RNF10: variants seen among roughly 807,000 people sequenced by gnomAD.
RNF10 encodes ring finger protein 10, also known as E3 ubiquitin-protein ligase RNF10.
RNF10 carries 38 observed loss-of-function variants against 91.4 expected under a neutral mutation model. That is an observed-to-expected ratio of 0.42 (90% CI 0.32 to 0.54). The LOEUF is 0.54. Ranked by LOEUF, RNF10 falls within the 20% of genes least tolerant of loss-of-function variation. The pLI, the probability that RNF10 is intolerant of heterozygous loss-of-function variation, is 0.16. For missense variants in RNF10, 945 were observed against 1,012.0 expected (o/e 0.93, Z 0.90); for synonymous variants, 364 against 366.3 (o/e 0.99, Z 0.07).
intron 4 of RNF10, among the ~76,000 whole-genome samples, chr12:120,557,076 G>A (rs1246638312): frequency 7.5e-6 from 1 of 134,102 alleles, no homozygotes; most frequent in East Asian, 2.2e-4. Context: ...CCAAGGAGAT[G>A]GACCGTCTCA....
chr12:120,575,569 C>A, intron 14 of RNF10, 62 bp from the exon 15 acceptor site: 5 of 1,588,902 alleles, frequency 3.1e-6, no homozygotes, highest in Non-Finnish European at 4.3e-6. Flanking sequence ...CAAGGTAGGT[C>A]TGAAAAAGAA....
chr12:120,537,279 C>T (rs1434568804), intron 1 of RNF10, among the ~76,000 whole-genome samples: 1 of 152,056 alleles, frequency 6.6e-6, no homozygotes, highest in Admixed American at 6.6e-5. Flanking sequence ...CTCCACTGCA[C>T]TCTAGCCTGG....
At chr12:120,545,425 C>T (rs1249544173) in intron 1 of RNF10, among the ~76,000 whole-genome samples, 2 of 151,660 alleles carry the variant, frequency 1.3e-5, no homozygotes, top group Non-Finnish European at 2.9e-5. Flanking sequence ...ATCTCCTGAC[C>T]TCGTGATCCG....
At chr12:120,545,392 CTG>C (rs1872177151) in intron 1 of RNF10, among the ~76,000 whole-genome samples, 1 of 144,342 alleles carries the variant, frequency 6.9e-6, no homozygotes, top group African/African-American at 2.6e-5. Context: ...CAGGATTTCA[CTG>C]TGTTAGCCAG....
chr12:120,539,324 A>G (rs1871237319), intron 1 of RNF10: 1 of 943,506 alleles, frequency 1.1e-6, no homozygotes, highest in Non-Finnish European at 1.5e-6. Flanking sequence ...ACTTACTGGC[A>G]TGTGCATCAT....
intron 1 of RNF10, among the ~76,000 whole-genome samples, chr12:120,537,486 G>A (rs1437939867): frequency 2.0e-5 from 3 of 152,160 alleles, no homozygotes; most frequent in Admixed American, 1.3e-4. Flanking sequence ...AAATTAGTCC[G>A]GCGTGGTGGT....
At chr12:120,566,647 G>A (rs1266640455) in intron 12 of RNF10, among the ~76,000 whole-genome samples, 178 bp from the exon 13 acceptor site, 2 of 151,706 alleles carry the variant, frequency 1.3e-5, no homozygotes, top group Non-Finnish European at 2.9e-5. Flanking sequence ...CTGTGGTCCC[G>A]GCTACTCGGG....
intron 13 of RNF10, among the ~76,000 whole-genome samples, chr12:120,567,679 C>T (rs1467753247): frequency 4.2e-5 from 6 of 142,696 alleles, no homozygotes; most frequent in South Asian, 4.5e-4. Flanking sequence ...CCAGCCTGGG[C>T]GACAGAGCGA....
At chr12:120,548,799 C>T (rs752165813) in intron 2 of RNF10, among the ~76,000 whole-genome samples, 3 of 151,920 alleles carry the variant, frequency 2.0e-5, no homozygotes, top group South Asian at 2.1e-4. Flanking sequence ...GCTGGGACTA[C>T]AGCTGGGACT....
chr12:120,537,499 G>A (rs1235259896), intron 1 of RNF10, among the ~76,000 whole-genome samples: 21 of 152,124 alleles, frequency 1.4e-4, no homozygotes, highest in Admixed American at 5.2e-4. Context: ...GTGGTGGTGC[G>A]CACCTGTAAT....
chr12:120,565,253 C>G, intron 11 of RNF10, 64 bp downstream of exon 11: 1 of 1,262,134 alleles, frequency 7.9e-7, no homozygotes, highest in South Asian at 1.2e-5. Flanking sequence ...GGCTAGACAC[C>G]CAGTGGGGGA....
Position 120,571,247 on chromosome 12 carries a change from G to A in RNF10, c.2098G>A (p.Val700Ile), listed in dbSNP as rs200686697. The change falls in exon 14 of 17, where the codon GTT becomes ATT. Residue 700 changes from valine (V) to isoleucine (I), a missense_variant. Physicochemically the swap from Val to Ile is conservative, Grantham distance 29 (BLOSUM62 3). Coordinates refer to ENST00000325954, the MANE Select transcript of RNF10 (RefSeq NM_014868.5). ...CAGTCAGGGCAGTCCCTCATTCTGCGTTGGGAGTCTGGAAGAAGACTCTCC... is the reference window on the plus strand; with the variant it reads ...CAGTCAGGGCAGTCCCTCATTCTGCATTGGGAGTCTGGAAGAAGACTCTCC... ...TASQGSPSFC[V>I]GSLEEDSPFP... 44 of 1,613,930 alleles carry A rather than the reference G, an allele frequency of 2.7e-5. No homozygotes were observed. The highest frequency in any genetic ancestry group is 3.4e-5 in the Non-Finnish European group (40 of 1,180,004).
rs201585715 is a variant in RNF10, at chr12:120,554,733, G to T, written c.570G>T (p.Val190=). Residue 190 remains valine, a synonymous_variant, in exon 4 of 17, where the codon GTG becomes GTT. Transcript: ENST00000325954. ...CTATTTCTAGCTGCCAATTTGTGGT[G>T]TCTGAAGACCAAGACTACACAGCTC... ...LFLQANCQFV[V]SEDQDYTAHF... is the part of the protein sequence containing the mutation. 1.2e-6 allele frequency: 2 copies of T among 1,613,906 alleles called. No individual in the cohort carries two copies. The highest frequency in any genetic ancestry group is 1.7e-6 in the Non-Finnish European group (2 of 1,179,804).
chr12:120,536,715 T>C (rs1870866628), intron 1 of RNF10, among the ~76,000 whole-genome samples: 1 of 152,190 alleles, frequency 6.6e-6, no homozygotes, highest in African/African-American at 2.4e-5. Flanking sequence ...TTCAAAGCAA[T>C]TGATAAGTAA....
At chr12:120,576,141 A>G (rs1487240060) in intron 16 of RNF10, among the ~76,000 whole-genome samples, 191 bp downstream of exon 16, 1 of 152,222 alleles carries the variant, frequency 6.6e-6, no homozygotes, top group Non-Finnish European at 1.5e-5. Context: ...CCCCAGAGAA[A>G]TTGATGACGC....
Position 120,575,962 on chromosome 12 carries a change from G to T in RNF10, c.2359+12G>T. On this transcript the variant is annotated intron_variant, in intron 16 of 16. Coordinates refer to ENST00000325954, the MANE Select transcript of RNF10 (RefSeq NM_014868.5). ...AGATCCCCTCTCTGGTAAGGGCAGA[G>T]GCTGGAGTGCCCAGGGTTGTCAAAC... The T allele has an allele frequency of 1.2e-6, 2 of 1,613,092 alleles. No homozygotes were observed. The highest frequency in any genetic ancestry group is 1.7e-6 in the Non-Finnish European group (2 of 1,179,994).
chr12:120,535,026 C>T (rs543516224), intron 1 of RNF10, 58 bp downstream of exon 1: 9 of 1,496,080 alleles, frequency 6.0e-6, no homozygotes, highest in South Asian at 2.5e-5. Flanking sequence ...TGGGGAGAGT[C>T]GTTGCTCTCA....
At chr12:120,567,032 G>T (rs936258478) in intron 13 of RNF10, 52 bp downstream of exon 13, 18 of 1,555,576 alleles carry the variant, frequency 1.2e-5, no homozygotes, top group Non-Finnish European at 1.3e-5. Context: ...CTTATGCAAA[G>T]CTTTGGTGTC....
chr12:120,542,835 C>T (rs1336689399), intron 1 of RNF10, among the ~76,000 whole-genome samples: 1 of 152,170 alleles, frequency 6.6e-6, no homozygotes, highest in Non-Finnish European at 1.5e-5. Flanking sequence ...TTACAGGGAG[C>T]CACCATGCCT....
Sources: allele counts gnomAD v4.1 joint callset (sites outside exome capture counted in the v4.1 genomes callset), GRCh38; gene constraint gnomAD v4.1.1; transcripts MANE v1.5; gene names NCBI Gene and HGNC (gene_info 2026-07-23, HGNC 2026-07-21).